The following LHFPL3 variants were observed in gnomAD, a reference collection of about 807,000 sequenced individuals.
The protein encoded by LHFPL3 is LHFPL tetraspan subfamily member 3 protein.
In LHFPL3, 5 loss-of-function variants were observed where a neutral mutation model predicts 19.3. The ratio of observed to expected loss-of-function variants is 0.26; its 90% CI spans 0.14 to 0.54. LHFPL3 has a LOEUF of 0.54. LHFPL3 is among the 20% of genes least tolerant of loss of function. The probability of loss-of-function intolerance (pLI) is 0.94; values close to 1 mark genes in which losing one functional copy is unlikely to be tolerated. For missense variants in LHFPL3, 249 were observed against 307.4 expected (o/e 0.81, Z 1.42); for synonymous variants, 133 against 126.2 (o/e 1.05, Z -0.36).
At chr7:104,331,574 T>C (rs1404689948) in intron 1 of LHFPL3, among the ~76,000 whole-genome samples, 1 of 152,166 alleles carries the variant, frequency 6.6e-6, no homozygotes, top group Non-Finnish European at 1.5e-5. Flanking sequence ...ACATTTAACA[T>C]GGTTTTCAGG....
At position 104,560,768 on chromosome 7, in the gene LHFPL3, G is replaced by T. The variant is rs576306444; in HGVS notation, c.446-175907G>T. 5.3e-4 allele frequency among the ~76,000 whole-genome samples: 77 copies of T among 146,050 alleles called. No homozygotes were observed. In the East Asian group the frequency reaches 0.013, roughly 25 times the overall value. Reference sequence around the variant, plus strand: ...TTGCTTTTCTAGTTCTTTTAATTGTGATGTTAGGGTGTCAATTTTGGATCT... The same window carrying T: ...TTGCTTTTCTAGTTCTTTTAATTGTTATGTTAGGGTGTCAATTTTGGATCT... On this transcript the variant is annotated intron_variant, in intron 1 of 2. Coordinates refer to ENST00000424859, the MANE Select transcript of LHFPL3 (RefSeq NM_199000.3).
At chr7:104,388,064 T>G (rs1310245637) in intron 1 of LHFPL3, among the ~76,000 whole-genome samples, 1 of 152,284 alleles carries the variant, frequency 6.6e-6, no homozygotes, top group South Asian at 2.1e-4. Flanking sequence ...TGTGTTAGTT[T>G]TCTTAGCATA....
intron 1 of LHFPL3, among the ~76,000 whole-genome samples, chr7:104,343,974 T>C (rs1790013702): frequency 6.6e-6 from 1 of 152,222 alleles, no homozygotes; most frequent in Non-Finnish European, 1.5e-5. Context: ...TTTCACCATT[T>C]AGAATGACAT....
intron 1 of LHFPL3, chr7:104,668,428 G>T (rs1414529919): frequency 1.9e-6 from 3 of 1,607,098 alleles, no homozygotes; most frequent in Middle Eastern, 1.9e-4. Context: ...TATCGAGATC[G>T]TTATGATTCA....
rs56751604 is a variant in LHFPL3 at position 104,642,506 on chromosome 7, T to C, written c.446-94169T>C. On this transcript the variant is annotated intron_variant, in intron 1 of 2. Transcript: ENST00000424859. Reference sequence around the variant, plus strand: ...TAGAGAACAAACATAAATAAGAATGTTTCCAACTGAAAATTTTTGTTTACT... The same window carrying C: ...TAGAGAACAAACATAAATAAGAATGCTTCCAACTGAAAATTTTTGTTTACT... 4.5e-3 allele frequency among the ~76,000 whole-genome samples: 682 copies of C among 152,332 alleles called. 40 individuals are homozygous for C. In the East Asian group the frequency reaches 0.11, roughly 24 times the overall value.
At chr7:104,610,827 T>G (rs1033765527) in intron 1 of LHFPL3, among the ~76,000 whole-genome samples, 1 of 152,226 alleles carries the variant, frequency 6.6e-6, no homozygotes, top group African/African-American at 2.4e-5. Context: ...CTGGGCATCC[T>G]GTGGCCCAGT....
At chr7:104,430,419 CATATATAT>C (rs1457442187) in intron 1 of LHFPL3, among the ~76,000 whole-genome samples, 168 of 14,612 alleles carry the variant, frequency 0.011, 6 homozygotes, top group South Asian at 0.051. Context: ...TATATATATA[CATATATAT>C]ATATATATAT....
At chr7:104,671,023 C>T (rs1329009053) in intron 1 of LHFPL3, among the ~76,000 whole-genome samples, 2 of 152,112 alleles carry the variant, frequency 1.3e-5, no homozygotes, top group African/African-American at 4.8e-5. Context: ...AGCAGAGAAA[C>T]ACCTTGATCT....
intron 1 of LHFPL3, among the ~76,000 whole-genome samples, chr7:104,559,596 T>G (rs1348516222): frequency 6.6e-6 from 1 of 152,152 alleles, no homozygotes; most frequent in Admixed American, 6.5e-5. Context: ...ACGATGGGGT[T>G]TTATAGATAT....
chr7:104,585,767 T>C (rs1790562613), intron 1 of LHFPL3, among the ~76,000 whole-genome samples: 1 of 152,124 alleles, frequency 6.6e-6, no homozygotes, highest in Non-Finnish European at 1.5e-5. Context: ...CTGGGGCAAA[T>C]GCTTTGTAAT....
intron 2 of LHFPL3, among the ~76,000 whole-genome samples, chr7:104,829,250 G>T (rs1247168859): frequency 6.6e-6 from 1 of 151,796 alleles, no homozygotes. Context: ...AGAAATGGGG[G>T]CATATAAAGG....
chr7:104,378,961 T>C lies in LHFPL3; in HGVS notation c.445+49737T>C, dbSNP rs145716342. 2.6e-5 allele frequency among the ~76,000 whole-genome samples: 4 copies of C among 152,312 alleles called. No individual in the cohort carries two copies. In the East Asian group the frequency reaches 7.7e-4, roughly 29 times the overall value. On this transcript the variant is annotated intron_variant, in intron 1 of 2. Coordinates refer to ENST00000424859, the MANE Select transcript of LHFPL3 (RefSeq NM_199000.3). ...ATAGAGTCTTTCAAAGAGTTCAACT[T>C]ATCATTTTTTTCTTTTATTCCTTGG...
intron 1 of LHFPL3, among the ~76,000 whole-genome samples, chr7:104,595,518 A>G (rs1224426008): frequency 6.6e-6 from 1 of 152,244 alleles, no homozygotes; most frequent in African/African-American, 2.4e-5. Context: ...TACAGGGGTC[A>G]GGGACCCACT....
At chr7:104,589,721 G>T (rs1006181041) in intron 1 of LHFPL3, among the ~76,000 whole-genome samples, 4 of 152,074 alleles carry the variant, frequency 2.6e-5, no homozygotes, top group Non-Finnish European at 5.9e-5. Flanking sequence ...GGTAGAATTC[G>T]GCTGTGAATC....
At chr7:104,701,741 C>T (rs1793106073) in intron 1 of LHFPL3, among the ~76,000 whole-genome samples, 1 of 152,128 alleles carries the variant, frequency 6.6e-6, no homozygotes, top group South Asian at 2.1e-4. Flanking sequence ...TAATGACATA[C>T]ATAGGTATTG....
intron 2 of LHFPL3, among the ~76,000 whole-genome samples, chr7:104,801,164 T>A (rs1243966614): frequency 6.6e-6 from 1 of 152,144 alleles, no homozygotes; most frequent in African/African-American, 2.4e-5. Context: ...AACTGAAGAA[T>A]GCAAAGACTT....
intron 2 of LHFPL3, among the ~76,000 whole-genome samples, chr7:104,804,874 C>G (rs770133548): frequency 6.6e-6 from 1 of 152,204 alleles, no homozygotes; most frequent in Non-Finnish European, 1.5e-5. Flanking sequence ...AACTCCTGAC[C>G]TAGAAACTGA....
intron 1 of LHFPL3, among the ~76,000 whole-genome samples, chr7:104,446,288 A>C (rs1477555849): frequency 6.6e-6 from 1 of 152,188 alleles, no homozygotes; most frequent in Admixed American, 6.5e-5. Context: ...ACAAATATAA[A>C]AACACAGTCA....
intron 1 of LHFPL3, among the ~76,000 whole-genome samples, chr7:104,714,710 C>T (rs1054470893): frequency 6.6e-6 from 1 of 151,964 alleles, no homozygotes; most frequent in African/African-American, 2.4e-5. Context: ...GCTGGTCTGC[C>T]CTTTTCAATA....
Sources: gnomAD v4.1 joint callset for allele counts (sites outside exome capture counted in the v4.1 genomes callset) on GRCh38, gnomAD v4.1.1 for gene constraint, MANE v1.5 for transcripts, NCBI Gene and HGNC (gene_info 2026-07-23, HGNC 2026-07-21) for gene names.